INTS7: variants seen among roughly 807,000 people sequenced by gnomAD.
INTS7 encodes the protein integrator complex subunit 7, also known as chromosome 1 open reading frame 73.
Under a neutral mutation model 109.2 loss-of-function variants are expected in INTS7, and 46 were observed. The observed-to-expected ratio is 0.42, with a 90% CI of 0.33 to 0.54. The LOEUF (loss-of-function observed/expected upper bound fraction) is 0.54. Ranked by LOEUF, INTS7 falls within the 20% of genes least tolerant of loss-of-function variation. INTS7 has a pLI of 0.07. For synonymous variants in INTS7, 412 were observed against 402.9 expected, an observed-to-expected ratio of 1.02 and a Z score of -0.27; for missense variants, 929 against 1,132.4, an observed-to-expected ratio of 0.82 and a Z score of 2.58.
chr1:211,994,599 GT>G (rs1161662592), intron 7 of INTS7, among the ~76,000 whole-genome samples: 2 of 149,542 alleles, frequency 1.3e-5, no homozygotes, highest in African/African-American at 2.5e-5. Context: ...ACTTTTTGTA[GT>G]TTTTTTTTGT....
chr1:211,983,781 T>TCA (rs1664767129), intron 8 of INTS7, among the ~76,000 whole-genome samples: 1 of 152,156 alleles, frequency 6.6e-6, no homozygotes, highest in African/African-American at 2.4e-5. Flanking sequence ...GTCACTTTGT[T>TCA]GATTTCTGGT....
chr1:211,949,783 T>C (rs1663005426), intron 17 of INTS7, among the ~76,000 whole-genome samples: 1 of 152,226 alleles, frequency 6.6e-6, no homozygotes, highest in African/African-American at 2.4e-5. Flanking sequence ...TCAAAGCCTT[T>C]TGTCACCTGG....
intron 7 of INTS7, among the ~76,000 whole-genome samples, chr1:211,995,899 T>A (rs1166945390): frequency 1.3e-5 from 2 of 152,218 alleles, no homozygotes; most frequent in Non-Finnish European, 2.9e-5. Flanking sequence ...GTCATGATTT[T>A]AGACTTCCCA....
Position 211,946,432 on chromosome 1 carries a change from C to T in INTS7, c.2415+175G>A, listed in dbSNP as rs1442550685. Among the ~76,000 whole-genome samples, 2 of 152,156 alleles carry T rather than the reference C, an allele frequency of 1.3e-5. No homozygotes were observed. Among genetic ancestry groups the T allele is most frequent in the Admixed American group, 6.5e-5 (1 of 15,282 alleles). On this transcript the variant is annotated intron_variant, in intron 18 of 19. Transcript: ENST00000366994. The surrounding 1 kb of genome is among the most constrained non-coding windows in gnomAD (Gnocchi z 4.3). ...CGGAGGTTGCGGTGAGCCAAAATCA[C>T]ACCACTGTACTCCAGCCCAGGCGAC...
chr1:211,969,880 G>C (rs1022813218), intron 13 of INTS7, among the ~76,000 whole-genome samples: 3 of 151,926 alleles, frequency 2.0e-5, no homozygotes, highest in Non-Finnish European at 2.9e-5. Flanking sequence ...CACCACGCCT[G>C]GCTAATTTTT....
intron 11 of INTS7, among the ~76,000 whole-genome samples, chr1:211,978,018 T>C (rs1304636607): frequency 6.6e-6 from 1 of 152,184 alleles, no homozygotes; most frequent in East Asian, 1.9e-4. Flanking sequence ...CTAGGCTGAT[T>C]TGACAGGGTT....
chr1:211,945,281 G>A (rs1662801978), intron 18 of INTS7, among the ~76,000 whole-genome samples: 1 of 152,162 alleles, frequency 6.6e-6, no homozygotes, highest in Admixed American at 6.5e-5. Flanking sequence ...TTCTAGTAGG[G>A]AAAGGCATTA....
chr1:211,994,040 A>G (rs1665260928), intron 7 of INTS7, among the ~76,000 whole-genome samples: 1 of 152,184 alleles, frequency 6.6e-6, no homozygotes, highest in South Asian at 2.1e-4. Context: ...ACTAAAACTC[A>G]AAAACAACCA....
At chr1:212,021,711 G>A (rs1484797768) in intron 1 of INTS7, among the ~76,000 whole-genome samples, 1 of 151,390 alleles carries the variant, frequency 6.6e-6, no homozygotes, top group African/African-American at 2.4e-5. Flanking sequence ...ATCCAAGTGT[G>A]GTTGTGTGTG....
In INTS7 at chr1:211,987,866, A is replaced by G; in HGVS notation, c.997+20T>C. 7.7e-7 allele frequency: 1 copy of G among 1,295,674 alleles called. No individual in the cohort carries two copies. Among genetic ancestry groups the G allele is most frequent in the Non-Finnish European group, 1.1e-6 (1 of 899,096 alleles). 80.3% of individuals were successfully genotyped at this position (1,295,674 alleles called of 1,614,324 possible). The stretch of plus-strand genomic sequence containing the variant: ...GGAGTTAGCACATTATTTATATGGT[A>G]TCTCCTGTCTTTTCCTTACCTGGAA... On this transcript the variant is annotated intron_variant, in intron 8 of 19. Transcript: ENST00000366994.
chr1:211,945,069 A>G, intron 18 of INTS7, 100 bp from the exon 19 acceptor site: 1 of 1,103,036 alleles, frequency 9.1e-7, no homozygotes, highest in Non-Finnish European at 1.3e-6. Context: ...AACAAATTCG[A>G]TTGTGCACTC....
At chr1:211,957,423 G>A (rs1476381314) in intron 16 of INTS7, among the ~76,000 whole-genome samples, 1 of 152,088 alleles carries the variant, frequency 6.6e-6, no homozygotes, top group African/African-American at 2.4e-5. Flanking sequence ...ACGCATGTCT[G>A]TAATCCCAGC....
chr1:211,945,102 T>C (rs987388724), intron 18 of INTS7, 133 bp from the exon 19 acceptor site: 2 of 734,120 alleles, frequency 2.7e-6, no homozygotes, highest in Admixed American at 5.4e-5. Context: ...AGGACCTGAC[T>C]GTGCCAGGAC....
intron 4 of INTS7, among the ~76,000 whole-genome samples, chr1:212,014,864 G>A (rs1352007639): frequency 6.6e-6 from 1 of 152,202 alleles, no homozygotes; most frequent in Non-Finnish European, 1.5e-5. Context: ...GCCCAGGCTG[G>A]AGTGCAGTGG....
chr1:211,974,276 A>AAAAT (rs1553249481), intron 13 of INTS7, among the ~76,000 whole-genome samples: 3 of 92,410 alleles, frequency 3.2e-5, no homozygotes, highest in East Asian at 2.8e-4. Flanking sequence ...AGAAAAAAAA[A>AAAAT]ATATATATAT....
intron 7 of INTS7, among the ~76,000 whole-genome samples, chr1:212,000,628 T>C (rs1665624902): frequency 6.6e-6 from 1 of 152,214 alleles, no homozygotes; most frequent in Non-Finnish European, 1.5e-5. Flanking sequence ...TACTCAAATA[T>C]CTTACATGGC....
intron 5 of INTS7, among the ~76,000 whole-genome samples, chr1:212,010,701 T>C (rs1444427102): frequency 6.6e-6 from 1 of 152,206 alleles, no homozygotes; most frequent in Non-Finnish European, 1.5e-5. Flanking sequence ...ACCTCAGATA[T>C]ACAAATCATT....
intron 4 of INTS7, among the ~76,000 whole-genome samples, chr1:212,013,990 CTCAA>C (rs1666283910): frequency 6.6e-6 from 1 of 152,160 alleles, no homozygotes; most frequent in Non-Finnish European, 1.5e-5. Context: ...CAACGACTCT[CTCAA>C]TGAGGGAAAA....
At chr1:212,008,840 C>T (rs1284039434) in intron 5 of INTS7, among the ~76,000 whole-genome samples, 1 of 152,138 alleles carries the variant, frequency 6.6e-6, no homozygotes, top group Admixed American at 6.6e-5. Flanking sequence ...TTGGTTCTAA[C>T]TTCAAAATAA....
Sources: allele counts gnomAD v4.1 joint callset (sites outside exome capture counted in the v4.1 genomes callset), GRCh38; gene constraint gnomAD v4.1.1; non-coding constraint Gnocchi (gnomAD v3.1); transcripts MANE v1.5; gene names NCBI Gene and HGNC (gene_info 2026-07-23, HGNC 2026-07-21).